Variants in SORCS3 observed in about 807,000 individuals in gnomAD.
SORCS3 encodes VPS10 domain-containing receptor SorCS3.
In SORCS3, 57 loss-of-function variants were observed where a neutral mutation model predicts 146.3. That is an observed-to-expected ratio of 0.39 (90% CI 0.31 to 0.49). The LOEUF (loss-of-function observed/expected upper bound fraction) is 0.49, where lower values mean the gene tolerates loss of function less well. Among genes scored for constraint, SORCS3 ranks in the 20% least tolerant of loss-of-function variants. SORCS3 has a pLI of 0.92. For missense variants in SORCS3, 1,341 were observed against 1,575.5 expected, an observed-to-expected ratio of 0.85 and a Z score of 2.52; for synonymous variants, 653 against 618.5, an observed-to-expected ratio of 1.06 and a Z score of -0.83.
intron 2 of SORCS3, among the ~76,000 whole-genome samples, chr10:104,866,675 T>G (rs2018462002): frequency 6.6e-6 from 1 of 152,226 alleles, no homozygotes; most frequent in Non-Finnish European, 1.5e-5. Context: ...AATTTAAGTG[T>G]CTCTTATTTG....
At chr10:104,731,795 G>C (rs1455384117) in intron 1 of SORCS3, among the ~76,000 whole-genome samples, 5 of 152,168 alleles carry the variant, frequency 3.3e-5, no homozygotes, top group Non-Finnish European at 5.9e-5. Context: ...AGTAGACACT[G>C]TTCAAAGCAT....
At chr10:104,720,296 G>T (rs1048983573) in intron 1 of SORCS3, among the ~76,000 whole-genome samples, 2 of 152,182 alleles carry the variant, frequency 1.3e-5, no homozygotes, top group African/African-American at 4.8e-5. Context: ...TCCCTACAAA[G>T]GATGTGACCT....
At chr10:104,673,288 C>A (rs1230620507) in intron 1 of SORCS3, among the ~76,000 whole-genome samples, 1 of 152,116 alleles carries the variant, frequency 6.6e-6, no homozygotes, top group African/African-American at 2.4e-5. Flanking sequence ...TTACTTCTGA[C>A]ATGTTGATAT....
At chr10:105,140,132 C>A (rs561733896) in intron 8 of SORCS3, among the ~76,000 whole-genome samples, 18 of 152,212 alleles carry the variant, frequency 1.2e-4, no homozygotes, top group African/African-American at 4.3e-4. Context: ...AATTGCATCA[C>A]TTAATGAGGC....
At chr10:104,992,505 C>A (rs1405547198) in intron 4 of SORCS3, among the ~76,000 whole-genome samples, 1 of 152,178 alleles carries the variant, frequency 6.6e-6, no homozygotes, top group African/African-American at 2.4e-5. Context: ...GTTTGGTTGA[C>A]CTGAATGTGT....
intron 1 of SORCS3, among the ~76,000 whole-genome samples, chr10:104,804,507 G>A (rs2017660644): frequency 6.6e-6 from 1 of 152,124 alleles, no homozygotes; most frequent in African/African-American, 2.4e-5. Flanking sequence ...AGTAGTCCTG[G>A]GAGTAGGCAG....
chr10:104,743,499 A>G (rs75935612), intron 1 of SORCS3, among the ~76,000 whole-genome samples: 1,914 of 152,290 alleles, frequency 0.013, 17 homozygotes, highest in Non-Finnish European at 0.021. Context: ...GCCAAGTTTA[A>G]TGCGTTCCTA....
intron 1 of SORCS3, among the ~76,000 whole-genome samples, chr10:104,680,870 G>C (rs900714207): frequency 1.3e-5 from 2 of 152,214 alleles, no homozygotes; most frequent in African/African-American, 4.8e-5. Flanking sequence ...TCAAGCACCA[G>C]CAAGAAGGAG....
intron 2 of SORCS3, 110 bp downstream of exon 2, chr10:104,842,969 C>T: frequency 4.8e-6 from 4 of 838,156 alleles, no homozygotes; most frequent in Non-Finnish European, 6.0e-6. Flanking sequence ...TAGTCCTCTT[C>T]CTGGAAGCTC....
intron 5 of SORCS3, among the ~76,000 whole-genome samples, chr10:105,076,494 C>A (rs1437103064): frequency 6.6e-6 from 1 of 152,212 alleles, no homozygotes; most frequent in South Asian, 2.1e-4. Flanking sequence ...ACTTTACCAA[C>A]CCCACCATCC....
At chr10:104,650,723 G>A (rs2015548717) in intron 1 of SORCS3, among the ~76,000 whole-genome samples, 1 of 152,194 alleles carries the variant, frequency 6.6e-6, no homozygotes, top group African/African-American at 2.4e-5. Context: ...AAAAGTGCCT[G>A]GGTAAAGAAC....
At chr10:105,008,066 G>A (rs931288646) in intron 4 of SORCS3, among the ~76,000 whole-genome samples, 13 of 152,190 alleles carry the variant, frequency 8.5e-5, no homozygotes, top group Admixed American at 2.0e-4. Context: ...ATTGCATGGC[G>A]TGATTTCTGT....
intron 12 of SORCS3, among the ~76,000 whole-genome samples, chr10:105,165,982 T>C (rs2056309523): frequency 1.3e-5 from 2 of 152,136 alleles, no homozygotes. Context: ...AGCATCTCCA[T>C]TATGTGGCTT....
At chr10:105,124,926 C>G (rs960631265) in intron 7 of SORCS3, among the ~76,000 whole-genome samples, 2 of 152,190 alleles carry the variant, frequency 1.3e-5, no homozygotes, top group Non-Finnish European at 2.9e-5. Flanking sequence ...CTGGAATAAA[C>G]GCTTTCAGTT....
chr10:104,797,673 A>G (rs2017573135), intron 1 of SORCS3, among the ~76,000 whole-genome samples: 1 of 152,202 alleles, frequency 6.6e-6, no homozygotes, highest in Admixed American at 6.5e-5. Context: ...CACAGTAGGT[A>G]AGGTGGGACC....
intron 1 of SORCS3, among the ~76,000 whole-genome samples, chr10:104,671,405 G>A (rs547737798): frequency 5.6e-4 from 69 of 123,926 alleles, no homozygotes; most frequent in Admixed American, 3.6e-3. Context: ...CACAATCTCA[G>A]CTCATTGCAA....
At chr10:104,905,097 T>G (rs994802828) in intron 2 of SORCS3, among the ~76,000 whole-genome samples, 3 of 152,238 alleles carry the variant, frequency 2.0e-5, no homozygotes, top group Non-Finnish European at 4.4e-5. Flanking sequence ...CATGCCCTAC[T>G]ACTCGGGTCT....
At chr10:105,167,203 A>C (rs1589667281) in intron 12 of SORCS3, 55 bp from the exon 13 acceptor site, 1 of 1,358,752 alleles carries the variant, frequency 7.4e-7, no homozygotes, top group East Asian at 2.3e-5. Context: ...ACTGTTAAGC[A>C]CTATGCAAAT....
intron 6 of SORCS3, among the ~76,000 whole-genome samples, chr10:105,096,463 A>C (rs2055747545): frequency 6.6e-6 from 1 of 152,220 alleles, no homozygotes; most frequent in South Asian, 2.1e-4. Context: ...GGACACAATC[A>C]GCACCAAGTA....
Sources: gnomAD v4.1 joint callset for allele counts (sites outside exome capture counted in the v4.1 genomes callset) on GRCh38, gnomAD v4.1.1 for gene constraint, MANE v1.5 for transcripts, NCBI Gene and HGNC (gene_info 2026-07-23, HGNC 2026-07-21) for gene names.